Variants in RBFOX2 observed in about 807,000 individuals in gnomAD.
The protein encoded by RBFOX2 is RNA binding protein fox-1 homolog 2.
A neutral mutation model predicts 49.1 loss-of-function variants in RBFOX2; 10 were observed. The observed-to-expected ratio is 0.20, with a 90% confidence interval of 0.13 to 0.35. The LOEUF (loss-of-function observed/expected upper bound fraction) is 0.35, where lower values mean the gene tolerates loss of function less well. Among genes scored for constraint, RBFOX2 ranks in the 10% least tolerant of loss-of-function variants. The pLI is 1.00. For missense variants in RBFOX2, 323 were observed against 486.9 expected, an observed-to-expected ratio of 0.66 and a Z score of 3.17; for synonymous variants, 183 against 187.4, an observed-to-expected ratio of 0.98 and a Z score of 0.19.
At chr22:35,869,602 G>C (rs1391879780) in intron 1 of RBFOX2, among the ~76,000 whole-genome samples, 1 of 151,302 alleles carries the variant, frequency 6.6e-6, no homozygotes, top group Non-Finnish European at 1.5e-5. Context: ...GGGATTCTAG[G>C]CGTGAGCCTT....
intron 1 of RBFOX2, among the ~76,000 whole-genome samples, chr22:35,823,380 T>C (rs1268228718): frequency 6.6e-6 from 1 of 152,242 alleles, no homozygotes. Flanking sequence ...ATTCTTCATT[T>C]CATCCAACTA....
At chr22:35,828,563 C>T (rs1214950466) in intron 1 of RBFOX2, among the ~76,000 whole-genome samples, 1 of 152,164 alleles carries the variant, frequency 6.6e-6, no homozygotes, top group Non-Finnish European at 1.5e-5. Flanking sequence ...GAAAGAACCA[C>T]CTGAAAGAAA....
intron 1 of RBFOX2, among the ~76,000 whole-genome samples, chr22:35,925,889 C>A (rs1218136973): frequency 6.6e-6 from 1 of 152,174 alleles, no homozygotes; most frequent in African/African-American, 2.4e-5. Context: ...TGTTTAAATG[C>A]ATGATTACAT....
chr22:35,829,846 G>A (rs183040797), intron 1 of RBFOX2, among the ~76,000 whole-genome samples: 4 of 152,054 alleles, frequency 2.6e-5, no homozygotes, highest in East Asian at 1.9e-4. Context: ...CCCCAGTTGC[G>A]GGAGTCATGC....
chr22:35,937,879 G>A (rs935533910), intron 1 of RBFOX2, among the ~76,000 whole-genome samples: 3 of 152,034 alleles, frequency 2.0e-5, no homozygotes, highest in Non-Finnish European at 2.9e-5. Flanking sequence ...ATGAGCCACC[G>A]CACCCAGCCG....
At chr22:35,739,591 A>C (rs1161313158) in exon 12 of RBFOX2, 1 of 152,688 alleles carries the variant, frequency 6.5e-6, no homozygotes. Flanking sequence ...CAAGAAAATG[A>C]CTAAGCTGGG....
intron 1 of RBFOX2, among the ~76,000 whole-genome samples, chr22:35,988,818 G>C (rs1216427045): frequency 6.6e-6 from 1 of 152,236 alleles, no homozygotes; most frequent in Non-Finnish European, 1.5e-5. Flanking sequence ...CCATTTAAGA[G>C]GCTATAACAG....
chr22:35,968,122 A>G (rs2056669229), intron 1 of RBFOX2, among the ~76,000 whole-genome samples: 1 of 152,212 alleles, frequency 6.6e-6, no homozygotes, highest in Non-Finnish European at 1.5e-5. Flanking sequence ...ACCAAAAAAA[A>G]AGCCAAAAGC....
At chr22:35,967,629 C>T (rs1025496673) in intron 1 of RBFOX2, among the ~76,000 whole-genome samples, 3 of 152,162 alleles carry the variant, frequency 2.0e-5, no homozygotes, top group African/African-American at 4.8e-5. Flanking sequence ...GCATGACACT[C>T]AAATATCAAT....
Position 35,759,818 on chromosome 22 carries a change from G to T in RBFOX2, c.887+70C>A. The T allele has an allele frequency of 1.3e-6, 2 of 1,584,220 alleles. No individual in the cohort carries two copies. On this transcript the variant is annotated intron_variant, in intron 9 of 11. Transcript: ENST00000405409. The surrounding 1 kb of genome is among the most constrained non-coding windows in gnomAD (Gnocchi z 4.6). ...GGCAACATCCCAGAAGTTATGAAAG[G>T]GCCATGGTATTCTTTTTTGGTCCAA... is the stretch of plus-strand genomic sequence containing the variant.
chr22:36,006,834 A>G (rs1470260669), intron 1 of RBFOX2, among the ~76,000 whole-genome samples: 2 of 152,176 alleles, frequency 1.3e-5, no homozygotes, highest in Non-Finnish European at 2.9e-5. Flanking sequence ...CCCCAGCCAG[A>G]TAAGAATCCC....
At chr22:35,899,067 G>A (rs1789049048) in intron 1 of RBFOX2, among the ~76,000 whole-genome samples, 1 of 151,912 alleles carries the variant, frequency 6.6e-6, no homozygotes, top group South Asian at 2.1e-4. Flanking sequence ...GCGGTGAGCC[G>A]AGGTCTAGCC....
In RBFOX2 at chr22:35,957,215, T is replaced by C. The variant is rs982178991; in HGVS notation, c.42+4348A>G. On this transcript the variant is annotated intron_variant, in intron 1 of 5. Transcript: ENST00000408983. ...TTAAATGAGAATACTACCTACCTCA[T>C]AGGATTGTTACAAGGATTGAGGTAA... is the stretch of plus-strand genomic sequence containing the variant. Among the ~76,000 whole-genome samples, 10 of 152,318 alleles carry C rather than the reference T, an allele frequency of 6.6e-5. No individual in the cohort carries two copies. The East Asian group carries it at 1.4e-3, about 21-fold the overall frequency.
At chr22:35,883,677 G>A (rs1375688166) in intron 1 of RBFOX2, among the ~76,000 whole-genome samples, 1 of 152,158 alleles carries the variant, frequency 6.6e-6, no homozygotes, top group Non-Finnish European at 1.5e-5. Context: ...AGGAACCAGA[G>A]GGGATCTGCA....
upstream of RBFOX2, among the ~76,000 whole-genome samples, chr22:35,942,338 G>A (rs1290604269): frequency 6.6e-6 from 1 of 152,088 alleles, no homozygotes. Flanking sequence ...TTGGGATGCT[G>A]TTATGGAAAG....
At chr22:35,854,303 G>A (rs929441959) in intron 1 of RBFOX2, among the ~76,000 whole-genome samples, 5 of 152,012 alleles carry the variant, frequency 3.3e-5, no homozygotes, top group African/African-American at 1.2e-4. Context: ...AGAGGATATA[G>A]GCTGGAAGCA....
chr22:35,814,512 C>T (rs573038197), intron 1 of RBFOX2, among the ~76,000 whole-genome samples: 1 of 151,264 alleles, frequency 6.6e-6, no homozygotes, highest in South Asian at 2.1e-4. Context: ...AGTTTGAGAC[C>T]AACCTAGGCA....
At chr22:35,886,542 T>A (rs2046603466) in intron 1 of RBFOX2, among the ~76,000 whole-genome samples, 1 of 152,210 alleles carries the variant, frequency 6.6e-6, no homozygotes, top group Admixed American at 6.5e-5. Flanking sequence ...CCTAGCCTAC[T>A]ACACACCTCG....
intron 1 of RBFOX2, among the ~76,000 whole-genome samples, chr22:35,814,262 G>C (rs185193476): frequency 3.7e-4 from 57 of 152,036 alleles, no homozygotes; most frequent in Admixed American, 1.1e-3. Context: ...AAAATCCTTG[G>C]ATACTCAAGC....
Sources: allele counts gnomAD v4.1 joint callset (sites outside exome capture counted in the v4.1 genomes callset), GRCh38; gene constraint gnomAD v4.1.1; non-coding constraint Gnocchi (gnomAD v3.1); transcripts MANE v1.5; gene names NCBI Gene and HGNC (gene_info 2026-07-23, HGNC 2026-07-21).